The following RRM1 variants were observed in gnomAD, a reference collection of about 807,000 sequenced individuals.
The protein encoded by RRM1 is ribonucleotide reductase catalytic subunit M1, also known as ribonucleoside-diphosphate reductase large subunit.
RRM1 carries 19 observed loss-of-function variants against 101.5 expected under a neutral mutation model. The observed-to-expected ratio is 0.19, with a 90% CI of 0.13 to 0.27. The LOEUF (loss-of-function observed/expected upper bound fraction) is 0.27, where lower values mean the gene tolerates loss of function less well. RRM1 is among the 10% of genes least tolerant of loss of function. RRM1 has a pLI of 1.00. For synonymous variants in RRM1, 298 were observed against 323.4 expected (o/e 0.92, Z 0.84); for missense variants, 500 against 962.9 (o/e 0.52, Z 6.36).
At chr11:4,103,501 G>C (rs10498198) in intron 2 of RRM1, among the ~76,000 whole-genome samples, 7,783 of 152,174 alleles carry the variant, frequency 0.051, 217 homozygotes, top group South Asian at 0.08. Flanking sequence ...TCATGCAGTA[G>C]TACATTTTAG....
At chr11:4,105,578 CTTTTT>C (rs55705631) in intron 2 of RRM1, 101 of 281,474 alleles carry the variant, frequency 3.6e-4, no homozygotes, top group South Asian at 6.4e-4. Flanking sequence ...TTTTTCTTTC[CTTTTT>C]TTTTTTTTTT....
chr11:4,120,075 G>A (rs2094579310), intron 9 of RRM1, 147 bp downstream of exon 9: 1 of 560,872 alleles, frequency 1.8e-6, no homozygotes, highest in African/African-American at 1.9e-5. Context: ...ATTTTAATAT[G>A]CATATACTTT....
At chr11:4,096,254 C>T (rs1226212353) in intron 1 of RRM1, among the ~76,000 whole-genome samples, 2 of 152,206 alleles carry the variant, frequency 1.3e-5, no homozygotes, top group Non-Finnish European at 2.9e-5. Context: ...CCTTGAATTC[C>T]TGGCCTCAAA....
Position 4,133,645 on chromosome 11 carries a change from A to C in RRM1, c.1988A>C (p.Asn663Thr), listed in dbSNP as rs769091226. The C allele has an allele frequency of 6.2e-7, 1 of 1,603,600 alleles. No homozygotes were observed. Among genetic ancestry groups the C allele is most frequent in the Admixed American group, 1.7e-5 (1 of 59,856 alleles). ...EEMKNQIIACNGSIQSIPEIP... is the reference protein window; with the variant it reads ...EEMKNQIIACTGSIQSIPEIP... ...ATGAAAAACCAGATTATTGCATGCA[A>C]TGGCTCTATTCAGGTATAGAATGAA... Residue 663 changes from asparagine (N) to threonine (T), a missense_variant, in exon 17 of 19, where the codon AAT becomes ACT. Transcript: ENST00000300738.
intron 12 of RRM1, among the ~76,000 whole-genome samples, chr11:4,126,367 A>G (rs2094589517): frequency 6.6e-6 from 1 of 152,260 alleles, no homozygotes; most frequent in African/African-American, 2.4e-5. Flanking sequence ...ATAATGAGAT[A>G]GGTATATGTA....
chr11:4,102,871 C>T (rs1416076305), intron 2 of RRM1, among the ~76,000 whole-genome samples: 1 of 152,190 alleles, frequency 6.6e-6, no homozygotes, highest in East Asian at 1.9e-4. Context: ...ATTCTAGACT[C>T]TCATCATCAG....
intron 13 of RRM1, 37 bp downstream of exon 13, chr11:4,126,870 A>G (rs375346873): frequency 6.5e-7 from 1 of 1,542,738 alleles, no homozygotes; most frequent in South Asian, 1.2e-5. Context: ...GTAATTATTG[A>G]AATCCAAATT....
intron 9 of RRM1, 57 bp from the exon 10 acceptor site, chr11:4,121,547 T>C: frequency 2.1e-6 from 3 of 1,395,374 alleles, no homozygotes; most frequent in Non-Finnish European, 2.9e-6. Flanking sequence ...TTGGGAGACA[T>C]GATGTTTCTT....
In RRM1 at chr11:4,127,023, G is replaced by T; in HGVS notation, c.1471-12G>T. ...TGTTTTCTCCTTTTCTTTAAAATCT[G>T]TTGACACAAAGGCATGCCTATCAAA... is the stretch of plus-strand genomic sequence containing the variant. On this transcript the variant is annotated splice_polypyrimidine_tract_variant and intron_variant, in intron 13 of 18. Coordinates refer to ENST00000300738, the MANE Select transcript of RRM1 (RefSeq NM_001033.5). The T allele has an allele frequency of 6.3e-7, 1 of 1,595,016 alleles. No individual in the cohort carries two copies. Among genetic ancestry groups the T allele is most frequent in the East Asian group, 2.2e-5 (1 of 44,792 alleles).
chr11:4,095,123 C>G (rs994518825), intron 1 of RRM1, 92 bp downstream of exon 1: 8 of 1,422,620 alleles, frequency 5.6e-6, no homozygotes, highest in Non-Finnish European at 6.8e-6. Flanking sequence ...CCCGCCTTCG[C>G]TGCTTCCCGC....
chr11:4,103,579 A>ATC (rs2133288619), intron 2 of RRM1, among the ~76,000 whole-genome samples: 1 of 152,258 alleles, frequency 6.6e-6, no homozygotes, highest in East Asian at 1.9e-4. Context: ...GTCGGTGCAC[A>ATC]TCTGTAATCC....
chr11:4,135,376 C>A, intron 18 of RRM1, 106 bp downstream of exon 18: 1 of 845,914 alleles, frequency 1.2e-6, no homozygotes, highest in East Asian at 2.8e-5. Context: ...CCTAGAAGTT[C>A]TTTAAGTTCA....
chr11:4,109,509 A>G (rs2094562626), intron 4 of RRM1, 135 bp from the exon 5 acceptor site: 2 of 496,190 alleles, frequency 4.0e-6, no homozygotes, highest in Non-Finnish European at 6.9e-6. Flanking sequence ...TCTATTCTAC[A>G]GTAATAATGC....
chr11:4,095,906 T>G (rs926870130), intron 1 of RRM1, among the ~76,000 whole-genome samples: 1 of 152,222 alleles, frequency 6.6e-6, no homozygotes, highest in African/African-American at 2.4e-5. Context: ...GAACAAGTTT[T>G]GAGTTGAACC....
At chr11:4,101,438 G>A (rs1469457224) in intron 1 of RRM1, among the ~76,000 whole-genome samples, 1 of 151,612 alleles carries the variant, frequency 6.6e-6, no homozygotes, top group South Asian at 2.1e-4. Flanking sequence ...TTAGCCTCCC[G>A]AATAGCTGGG....
At chr11:4,137,449 C>A (rs1444997791) in intron 18 of RRM1, among the ~76,000 whole-genome samples, 2 of 118,472 alleles carry the variant, frequency 1.7e-5, no homozygotes, top group African/African-American at 3.5e-5. Context: ...GCGGGGGGCT[C>A]ACACCCCCAC....
At chr11:4,100,336 G>T (rs2094549357) in intron 1 of RRM1, among the ~76,000 whole-genome samples, 1 of 152,200 alleles carries the variant, frequency 6.6e-6, no homozygotes, top group African/African-American at 2.4e-5. Flanking sequence ...GGTTACTTCA[G>T]GTTGAGTATC....
In RRM1 at chr11:4,109,719, C is replaced by G; in HGVS notation, c.447+16C>G. The G allele has an allele frequency of 6.4e-7, 1 of 1,570,400 alleles. No individual in the cohort carries two copies. On this transcript the variant is annotated intron_variant, in intron 5 of 18. Coordinates refer to ENST00000300738, the MANE Select transcript of RRM1 (RefSeq NM_001033.5). ...CGGCTTTAAGGTAAATAATGGGTTT[C>G]AAGTATGTGGGAATTTATACTTAAA...
intron 1 of RRM1, among the ~76,000 whole-genome samples, chr11:4,098,757 T>A (rs2133283464): frequency 6.6e-6 from 1 of 152,178 alleles, no homozygotes; most frequent in East Asian, 1.9e-4. Flanking sequence ...AGTTGACTTC[T>A]TGGTGTGGGT....
Sources: allele counts gnomAD v4.1 joint callset (sites outside exome capture counted in the v4.1 genomes callset), GRCh38; gene constraint gnomAD v4.1.1; transcripts MANE v1.5; gene names NCBI Gene and HGNC (gene_info 2026-07-23, HGNC 2026-07-21).